The following LARGE1 variants were observed in gnomAD, a reference collection of about 807,000 sequenced individuals.
LARGE1 encodes the protein LARGE xylosyl- and glucuronyltransferase 1, also known as xylosyl- and glucuronyltransferase LARGE1.
In LARGE1, 43 loss-of-function variants were observed where a neutral mutation model predicts 87.6. The observed-to-expected ratio is 0.49, with a 90% CI of 0.38 to 0.63. The LOEUF (loss-of-function observed/expected upper bound fraction) is 0.63, where lower values mean the gene tolerates loss of function less well. Ranked by LOEUF, LARGE1 falls within the 30% of genes least tolerant of loss-of-function variation. The pLI is 0.00. For missense variants in LARGE1, 802 were observed against 1,000.2 expected (o/e 0.80, Z 2.67); for synonymous variants, 434 against 394.6 (o/e 1.10, Z -1.18).
chr22:33,386,134 T>G (rs1233362089), intron 7 of LARGE1, among the ~76,000 whole-genome samples: 1 of 148,982 alleles, frequency 6.7e-6, no homozygotes, highest in East Asian at 1.9e-4. Flanking sequence ...AGGTCCTTTG[T>G]GCTTTGTTAG....
intron 1 of LARGE1, among the ~76,000 whole-genome samples, chr22:33,783,219 C>T (rs1195777478): frequency 6.6e-6 from 1 of 151,666 alleles, no homozygotes; most frequent in East Asian, 1.9e-4. Context: ...TCTCTTTGAG[C>T]ACTATGTTTC....
At chr22:33,348,043 G>C (rs2146709791) in intron 9 of LARGE1, among the ~76,000 whole-genome samples, 1 of 152,252 alleles carries the variant, frequency 6.6e-6, no homozygotes, top group Admixed American at 6.5e-5. Context: ...AACCTGAGGG[G>C]CAAGGACAGG....
intron 1 of LARGE1, among the ~76,000 whole-genome samples, chr22:33,791,455 T>G (rs1334974017): frequency 1.3e-5 from 2 of 152,224 alleles, no homozygotes; most frequent in South Asian, 2.1e-4. Flanking sequence ...TTTCAGTCTT[T>G]TCTGTTTGCA....
At chr22:33,249,655 G>A (rs1926925869) in intron 11 of LARGE1, among the ~76,000 whole-genome samples, 1 of 152,018 alleles carries the variant, frequency 6.6e-6, no homozygotes, top group Non-Finnish European at 1.5e-5. Context: ...TTATCTTCTG[G>A]GAGTTCCATA....
At chr22:33,906,627 C>T (rs2065464430) in intron 1 of LARGE1, among the ~76,000 whole-genome samples, 1 of 152,198 alleles carries the variant, frequency 6.6e-6, no homozygotes, top group Non-Finnish European at 1.5e-5. Context: ...TGGCTGCCAT[C>T]TCTCTTAACT....
chr22:33,743,449 C>G (rs1419134471), intron 2 of LARGE1, among the ~76,000 whole-genome samples: 1 of 152,074 alleles, frequency 6.6e-6, no homozygotes, highest in Non-Finnish European at 1.5e-5. Flanking sequence ...CTTTCTTTCT[C>G]TCTCCTTCAC....
intron 9 of LARGE1, among the ~76,000 whole-genome samples, chr22:33,340,079 C>G (rs923295254): frequency 6.6e-6 from 1 of 151,986 alleles, no homozygotes; most frequent in Non-Finnish European, 1.5e-5. Context: ...TATAGAATAA[C>G]CATGATCAGC....
intron 1 of LARGE1, among the ~76,000 whole-genome samples, chr22:33,826,249 G>C (rs185210614): frequency 6.6e-6 from 1 of 152,046 alleles, no homozygotes; most frequent in Non-Finnish European, 1.5e-5. Flanking sequence ...CTTCTGATAA[G>C]TGCCAGCATT....
chr22:33,278,829 C>T (rs1929865553), intron 13 of LARGE1, among the ~76,000 whole-genome samples: 1 of 152,180 alleles, frequency 6.6e-6, no homozygotes, highest in Admixed American at 6.5e-5. Context: ...AAGCGATTCT[C>T]CTGCCTCAGC....
Position 33,395,063 on chromosome 22 carries a change from C to T in LARGE1, c.893-10759G>A, listed in dbSNP as rs1363380084. Among the ~76,000 whole-genome samples, 4 of 151,870 alleles carry T rather than the reference C, an allele frequency of 2.6e-5. No individual in the cohort carries two copies. In the East Asian group the frequency reaches 5.8e-4, roughly 22 times the overall value. ...AACACACGGTGAAACCCCGTCTCTA[C>T]TAAAAATACAAAAAAATTAGCCGGG... On this transcript the variant is annotated intron_variant, in intron 7 of 14. Transcript: ENST00000397394.
At chr22:33,202,237 C>T (rs181472091) in intron 11 of LARGE1, among the ~76,000 whole-genome samples, 3 of 152,308 alleles carry the variant, frequency 2.0e-5, no homozygotes, top group Non-Finnish European at 2.9e-5. Flanking sequence ...TCTCCCCACT[C>T]CCAACTTTAG....
At chr22:33,833,289 T>A (rs888057766) in intron 1 of LARGE1, among the ~76,000 whole-genome samples, 1 of 152,156 alleles carries the variant, frequency 6.6e-6, no homozygotes, top group African/African-American at 2.4e-5. Flanking sequence ...CTAAAATGCA[T>A]ATGTTAAAGT....
chr22:33,276,957 C>T, intron 14 of LARGE1, 103 bp downstream of exon 14: 1 of 1,119,974 alleles, frequency 8.9e-7, no homozygotes, highest in Non-Finnish European at 1.4e-6. Context: ...ATATCTTGTT[C>T]CCTCTTAGCT....
chr22:33,163,779 A>G (rs894770327), exon 12 of LARGE1: 1 of 152,250 alleles, frequency 6.6e-6, no homozygotes, highest in Non-Finnish European at 1.5e-5. Flanking sequence ...GTAAGAATAA[A>G]AAGAAATTTA....
At position 33,781,644 on chromosome 22, in the gene LARGE1, C is replaced by A. The variant is rs377383004; in HGVS notation, c.-82-20086G>T. Among the ~76,000 whole-genome samples the A allele has an allele frequency of 4.7e-4, 71 of 152,276 alleles. 1 individual carries two copies. Among genetic ancestry groups the A allele is most frequent in the African/African-American group, 1.6e-3 (66 of 41,550 alleles). On this transcript the variant is annotated intron_variant, in intron 1 of 14. Coordinates refer to ENST00000397394, the MANE Select transcript of LARGE1 (RefSeq NM_133642.5). ...ATTCACTGAACAAGTTCCATATGAG[C>A]AAATGTCAACTGGTCTACCCCAGGG...
At position 33,409,425 on chromosome 22, in the gene LARGE1, T is replaced by A. The variant is rs2066226845; in HGVS notation, c.892+22736A>T. ...GCCACTGATGGTACATCACTGCCTG[T>A]CCCCTTTTCCCAGTTGTCTAAGGGC... is the stretch of plus-strand genomic sequence containing the variant. On this transcript the variant is annotated intron_variant, in intron 7 of 14. Coordinates refer to ENST00000397394, the MANE Select transcript of LARGE1 (RefSeq NM_133642.5). 2.6e-5 allele frequency among the ~76,000 whole-genome samples: 4 copies of A among 152,098 alleles called. No homozygotes were observed. In the South Asian group the frequency reaches 8.3e-4, roughly 32 times the overall value.
intron 1 of LARGE1, among the ~76,000 whole-genome samples, chr22:33,831,773 CACACACACACAT>C (rs1440999534): frequency 6.6e-6 from 1 of 151,788 alleles, no homozygotes; most frequent in Non-Finnish European, 1.5e-5. Flanking sequence ...CACACACACA[CACACACACACAT>C]ACACATACAC....
intron 6 of LARGE1, among the ~76,000 whole-genome samples, chr22:33,481,582 C>T (rs1366948041): frequency 2.0e-5 from 3 of 152,084 alleles, no homozygotes; most frequent in Admixed American, 2.0e-4. Context: ...CAAACAGTAC[C>T]AGTAAAGCCA....
At chr22:33,870,476 A>G (rs561629485) in intron 1 of LARGE1, among the ~76,000 whole-genome samples, 3 of 152,322 alleles carry the variant, frequency 2.0e-5, no homozygotes, top group Admixed American at 2.0e-4. Flanking sequence ...ACAGGTATCA[A>G]CATGGTACCA....
Sources: gnomAD v4.1 joint callset for allele counts (sites outside exome capture counted in the v4.1 genomes callset) on GRCh38, gnomAD v4.1.1 for gene constraint, MANE v1.5 for transcripts, NCBI Gene and HGNC (gene_info 2026-07-23, HGNC 2026-07-21) for gene names.